Variants in DCC observed in about 807,000 individuals in gnomAD.
DCC encodes DCC netrin 1 receptor.
In DCC, 58 loss-of-function variants were observed where a neutral mutation model predicts 172.5. The observed-to-expected ratio is 0.34, with a 90% CI of 0.27 to 0.42. The LOEUF is 0.42. Ranked by LOEUF, DCC falls within the 10% of genes least tolerant of loss-of-function variation. DCC has a pLI of 1.00. For missense variants in DCC, 1,740 were observed against 1,791.0 expected (o/e 0.97, Z 0.51); for synonymous variants, 709 against 644.5 (o/e 1.10, Z -1.52).
At position 53,316,352 on chromosome 18, in the gene DCC, G is replaced by A. The variant is rs141800594; in HGVS notation, c.2054-5695G>A. On this transcript the variant is annotated intron_variant, in intron 13 of 28. Transcript: ENST00000442544. ...ACCAGTACCATGCTGTTTTGTTTAC[G>A]GTAGCTTATAGTATAGATTGAAGTC... Among the ~76,000 whole-genome samples, 18 of 152,062 alleles carry A rather than the reference G, an allele frequency of 1.2e-4. No individual in the cohort carries two copies. The East Asian group carries it at 2.7e-3, about 23-fold the overall frequency.
At chr18:53,349,603 C>G (rs1262593345) in intron 15 of DCC, among the ~76,000 whole-genome samples, 1 of 152,194 alleles carries the variant, frequency 6.6e-6, no homozygotes, top group Non-Finnish European at 1.5e-5. Flanking sequence ...TTTAATTGGA[C>G]TTACAGTTCC....
intron 1 of DCC, among the ~76,000 whole-genome samples, chr18:52,445,471 T>G (rs1398260250): frequency 2.0e-5 from 3 of 152,194 alleles, no homozygotes; most frequent in African/African-American, 7.2e-5. Flanking sequence ...TTTAAGCGAC[T>G]GCATAATTCT....
intron 1 of DCC, among the ~76,000 whole-genome samples, chr18:52,491,075 G>A (rs1015802928): frequency 6.6e-6 from 1 of 152,084 alleles, no homozygotes; most frequent in African/African-American, 2.4e-5. Flanking sequence ...CTTATATGGA[G>A]CCTTCCATCA....
intron 25 of DCC, among the ~76,000 whole-genome samples, chr18:53,477,245 G>T (rs1401359103): frequency 6.6e-6 from 1 of 152,192 alleles, no homozygotes; most frequent in African/African-American, 2.4e-5. Context: ...CTGGGCTCAA[G>T]TGATCCTCCT....
chr18:53,008,433 A>T (rs2041677629), intron 5 of DCC, among the ~76,000 whole-genome samples: 1 of 152,046 alleles, frequency 6.6e-6, no homozygotes, highest in Non-Finnish European at 1.5e-5. Context: ...GTCTGGTAGA[A>T]TTTATCTGTT....
intron 1 of DCC, among the ~76,000 whole-genome samples, chr18:52,501,069 A>G (rs1192761608): frequency 6.6e-6 from 1 of 152,148 alleles, no homozygotes; most frequent in Non-Finnish European, 1.5e-5. Flanking sequence ...ACTGCGTAAC[A>G]TTGAGAGGAA....
At chr18:52,370,913 A>C (rs1478513757) in intron 1 of DCC, among the ~76,000 whole-genome samples, 1 of 152,182 alleles carries the variant, frequency 6.6e-6, no homozygotes, top group Non-Finnish European at 1.5e-5. Flanking sequence ...TTTTACACCA[A>C]ATAACTATTT....
chr18:53,318,312 C>T (rs575562234), intron 13 of DCC, among the ~76,000 whole-genome samples: 2 of 152,116 alleles, frequency 1.3e-5, no homozygotes, highest in Non-Finnish European at 1.5e-5. Flanking sequence ...TCTTAATCCT[C>T]AGTTCTAATT....
chr18:53,369,070 C>T (rs542414142), intron 15 of DCC, among the ~76,000 whole-genome samples: 17 of 152,050 alleles, frequency 1.1e-4, no homozygotes, highest in Admixed American at 7.2e-4. Context: ...AGTACGTGAA[C>T]ACGGGCTGCG....
At chr18:53,052,531 GTTACTTCTAGAC>G (rs1185762864) in intron 5 of DCC, among the ~76,000 whole-genome samples, 1 of 152,008 alleles carries the variant, frequency 6.6e-6, no homozygotes, top group African/African-American at 2.4e-5. Flanking sequence ...TGTAGTATAG[GTTACTTCTAGAC>G]TTACTTGTCA....
Position 53,467,921 on chromosome 18 carries a change from C to T in DCC, c.3647C>T (p.Ser1216Phe). 4 of 1,610,226 alleles carry T rather than the reference C, an allele frequency of 2.5e-6. No homozygotes were observed. The highest frequency in any genetic ancestry group is 3.4e-6 in the Non-Finnish European group (4 of 1,176,562). Residue 1216 changes from serine to phenylalanine, a missense_variant, in exon 25 of 29, where the codon TCT becomes TTT. Physicochemically the swap from Ser to Phe is radical, Grantham distance 155. Coordinates refer to ENST00000442544, the MANE Select transcript of DCC (RefSeq NM_005215.4). The part of the protein sequence containing the change: ...SGQDTEEAGS[S>F]MSTLERSLAA... ...CAAGACACTGAGGAAGCAGGGAGCT[C>T]TATGTCCACTCTGGAGAGGTCGCTG...
chr18:53,290,974 C>G (rs1238195661), intron 12 of DCC, among the ~76,000 whole-genome samples: 1 of 152,058 alleles, frequency 6.6e-6, no homozygotes, highest in Non-Finnish European at 1.5e-5. Context: ...CAAGAATAGC[C>G]TGGCCAACAC....
intron 1 of DCC, among the ~76,000 whole-genome samples, chr18:52,506,248 G>T (rs558279659): frequency 6.6e-6 from 1 of 152,020 alleles, no homozygotes; most frequent in South Asian, 2.1e-4. Context: ...GCTAAAATTT[G>T]GAAATATCAG....
At chr18:52,871,023 G>C (rs955093284) in intron 2 of DCC, among the ~76,000 whole-genome samples, 20 of 152,224 alleles carry the variant, frequency 1.3e-4, no homozygotes, top group African/African-American at 4.3e-4. Context: ...TCCCGGGATT[G>C]GACTTTTCCA....
chr18:53,153,307 A>G (rs1192665821), intron 7 of DCC, among the ~76,000 whole-genome samples: 1 of 152,156 alleles, frequency 6.6e-6, no homozygotes, highest in Non-Finnish European at 1.5e-5. Flanking sequence ...TAAATGTGCT[A>G]TCTATAATTT....
At chr18:52,710,779 G>A (rs1849528289) in intron 1 of DCC, among the ~76,000 whole-genome samples, 1 of 152,206 alleles carries the variant, frequency 6.6e-6, no homozygotes, top group Admixed American at 6.5e-5. Flanking sequence ...CAGGTTAATA[G>A]AGTAGTATAA....
intron 3 of DCC, among the ~76,000 whole-genome samples, chr18:52,919,154 G>A (rs1480306322): frequency 6.6e-6 from 1 of 152,158 alleles, no homozygotes; most frequent in Non-Finnish European, 1.5e-5. Context: ...TTACATGGTA[G>A]TGTCAGAGAC....
intron 14 of DCC, among the ~76,000 whole-genome samples, chr18:53,324,838 C>T (rs1357248418): frequency 6.6e-6 from 1 of 152,014 alleles, no homozygotes; most frequent in African/African-American, 2.4e-5. Flanking sequence ...TTCATCTACC[C>T]TTATGAAGTA....
rs190158664 is a variant in DCC at position 53,036,370 on chromosome 18, A to G, written c.986-26935A>G. On this transcript the variant is annotated intron_variant, in intron 5 of 28. Transcript: ENST00000442544. ...TGTGATTTTATCTGCAAGCAACACTAGGTGAATAGAGAAAACTGCACCCAG... is the reference window on the plus strand; with the variant it reads ...TGTGATTTTATCTGCAAGCAACACTGGGTGAATAGAGAAAACTGCACCCAG... 5.2e-3 allele frequency among the ~76,000 whole-genome samples: 788 copies of G among 152,168 alleles called. 6 individuals are homozygous for G. Among genetic ancestry groups the G allele is most frequent in the Admixed American group, 0.022 (342 of 15,246 alleles).
Sources: allele counts gnomAD v4.1 joint callset (sites outside exome capture counted in the v4.1 genomes callset), GRCh38; gene constraint gnomAD v4.1.1; transcripts MANE v1.5; gene names NCBI Gene and HGNC (gene_info 2026-07-23, HGNC 2026-07-21).